UPRT: variants seen among roughly 807,000 people sequenced by gnomAD.
UPRT encodes RP11-311P8.3.
In UPRT, 5 loss-of-function variants were observed where a neutral mutation model predicts 22.6. That is an observed-to-expected ratio of 0.22 (90% CI 0.12 to 0.47). The LOEUF is 0.47. Among genes scored for constraint, UPRT ranks in the 20% least tolerant of loss-of-function variants. The pLI is 0.99. For synonymous variants in UPRT, 77 were observed against 87.7 expected, an observed-to-expected ratio of 0.88 and a Z score of 0.68; for missense variants, 181 against 239.9, an observed-to-expected ratio of 0.75 and a Z score of 1.62.
At chrX:75,178,461 G>A (rs752946850) in intron 4 of UPRT, among the ~76,000 whole-genome samples, 75 of 111,986 alleles carry the variant, frequency 6.7e-4, no homozygotes, top group Admixed American at 2.6e-3. Context: ...AAATGTGTCC[G>A]GAATTGGTGG....
At chrX:75,228,580 T>C (rs1602462017) in intron 4 of UPRT, among the ~76,000 whole-genome samples, 1 of 112,273 alleles carries the variant, frequency 8.9e-6, no homozygotes, top group African/African-American at 3.2e-5. Flanking sequence ...TCTTTCTCTT[T>C]GGTTTTGAAA....
intron 1 of UPRT, among the ~76,000 whole-genome samples, chrX:75,279,053 A>G (rs895665408): frequency 1.8e-5 from 2 of 111,202 alleles, no homozygotes; most frequent in Non-Finnish European, 3.8e-5. Context: ...TTGTTTGTAT[A>G]GTCTTGAGTA....
chrX:75,274,057 G>A, upstream of UPRT: 1 of 498,683 alleles, frequency 2.0e-6, no homozygotes, highest in Non-Finnish European at 3.1e-6. Flanking sequence ...TAGGCAGGCA[G>A]TACGTCTGGT....
intron 1 of UPRT, among the ~76,000 whole-genome samples, chrX:75,158,034 A>G (rs769814181): frequency 7.1e-5 from 8 of 112,405 alleles, no homozygotes; most frequent in Non-Finnish European, 1.3e-4. Context: ...CTTTGAATGG[A>G]GCCAAATTAT....
chrX:75,230,093 G>A (rs914142945), intron 4 of UPRT, among the ~76,000 whole-genome samples: 7 of 111,739 alleles, frequency 6.3e-5, no homozygotes, highest in Non-Finnish European at 1.3e-4. Context: ...AGTGAGACTG[G>A]CCTTGCAGGC....
chrX:75,251,472 A>T (rs1426021158), intron 4 of UPRT, among the ~76,000 whole-genome samples: 1 of 111,466 alleles, frequency 9.0e-6, no homozygotes, highest in Non-Finnish European at 1.9e-5. Context: ...ATTGCTTCAA[A>T]GAGAATAAAA....
chrX:75,181,125 G>C lies in UPRT; in HGVS notation c.-447+13246G>C, dbSNP rs1458904264. Among the ~76,000 whole-genome samples the C allele has an allele frequency of 1.1e-4, 12 of 110,661 alleles. 1 individual carries two copies. Among genetic ancestry groups the C allele is most frequent in the Non-Finnish European group, 3.8e-5 (2 of 52,900 alleles). On this transcript the variant is annotated intron_variant, in intron 4 of 13. Coordinates refer to the UPRT transcript ENST00000652605. ...TTGAATAGGGAGTCCTTTCCCTATT[G>C]CTTGTTTTTGCTGATTTTGTCAAAA...
chrX:75,213,139 G>C (rs2082384219), intron 4 of UPRT, among the ~76,000 whole-genome samples: 1 of 112,184 alleles, frequency 8.9e-6, no homozygotes, highest in Admixed American at 9.5e-5. Flanking sequence ...ACACTGAATT[G>C]CAGCTGTGTG....
chrX:75,208,029 G>T (rs1212323908), intron 4 of UPRT, among the ~76,000 whole-genome samples: 1 of 111,545 alleles, frequency 9.0e-6, no homozygotes, highest in Non-Finnish European at 1.9e-5. Context: ...GAGCAGCTTG[G>T]TCAGCAAGTT....
At chrX:75,250,926 T>C (rs962830839) in intron 4 of UPRT, among the ~76,000 whole-genome samples, 11 of 111,930 alleles carry the variant, frequency 9.8e-5, no homozygotes, top group Non-Finnish European at 1.7e-4. Flanking sequence ...TCAATAAACG[T>C]AATCCAGCAT....
At chrX:75,265,208 T>C (rs1209817753) in intron 4 of UPRT, among the ~76,000 whole-genome samples, 1 of 111,695 alleles carries the variant, frequency 9.0e-6, no homozygotes, top group Non-Finnish European at 1.9e-5. Context: ...CTGTATTTTC[T>C]GAATTTGAAT....
At chrX:75,184,846 C>A (rs2082284123) in intron 4 of UPRT, among the ~76,000 whole-genome samples, 1 of 111,504 alleles carries the variant, frequency 9.0e-6, no homozygotes, top group Admixed American at 9.6e-5. Context: ...TGTAAGAATG[C>A]TTGTGATTTT....
intron 4 of UPRT, among the ~76,000 whole-genome samples, chrX:75,190,549 C>T (rs745675631): frequency 3.6e-5 from 4 of 111,958 alleles, no homozygotes; most frequent in African/African-American, 9.7e-5. Context: ...GGGAAGTTCT[C>T]GTGGAGAATA....
At chrX:75,279,796 CT>C (rs1204559381) in intron 1 of UPRT, among the ~76,000 whole-genome samples, 4 of 110,516 alleles carry the variant, frequency 3.6e-5, no homozygotes. Flanking sequence ...CCTTGACCCC[CT>C]CCCACCCTTT....
At chrX:75,180,440 G>A (rs188949220) in intron 4 of UPRT, among the ~76,000 whole-genome samples, 60 of 111,832 alleles carry the variant, frequency 5.4e-4, no homozygotes, top group Non-Finnish European at 7.7e-4. Context: ...GAGGGTAGAC[G>A]ATCCCTCTTT....
upstream of UPRT, among the ~76,000 whole-genome samples, chrX:75,272,300 GTATATATA>G (rs200145327): frequency 9.4e-5 from 2 of 21,324 alleles, no homozygotes; most frequent in Non-Finnish European, 4.2e-4. Context: ...ATATATATGT[GTATATATA>G]TGTGTATATA....
chrX:75,190,325 TAG>T (rs1338195167), intron 4 of UPRT, among the ~76,000 whole-genome samples: 2 of 112,129 alleles, frequency 1.8e-5, no homozygotes, highest in East Asian at 5.6e-4. Flanking sequence ...TTCTGGCTTG[TAG>T]AGTTTCTGCC....
At chrX:75,202,197 A>G (rs753016602) in intron 4 of UPRT, among the ~76,000 whole-genome samples, 3 of 111,668 alleles carry the variant, frequency 2.7e-5, no homozygotes, top group East Asian at 2.8e-4. Flanking sequence ...ATGTTTATAT[A>G]TAAGTGAAAT....
intron 3 of UPRT, among the ~76,000 whole-genome samples, chrX:75,296,960 G>C (rs752070386): frequency 8.1e-5 from 9 of 111,682 alleles, no homozygotes; most frequent in Non-Finnish European, 1.5e-4. Context: ...TATGAAACTT[G>C]GGGACTGAGT....
Sources: allele counts gnomAD v4.1 joint callset (sites outside exome capture counted in the v4.1 genomes callset), GRCh38; gene constraint gnomAD v4.1.1; transcripts MANE v1.5; gene names NCBI Gene and HGNC (gene_info 2026-07-23, HGNC 2026-07-21).